The following RUNX1 variants were observed in gnomAD, a reference collection of about 807,000 sequenced individuals.
RUNX1 encodes RUNX family transcription factor 1, also known as runt-related transcription factor 1.
RUNX1 carries 19 observed loss-of-function variants against 42.8 expected under a neutral mutation model. That is an observed-to-expected ratio of 0.44 (90% CI 0.31 to 0.65). The LOEUF (loss-of-function observed/expected upper bound fraction) is 0.65, where lower values mean the gene tolerates loss of function less well. RUNX1 is among the 30% of genes least tolerant of loss of function. The probability of loss-of-function intolerance (pLI) is 0.07; values close to 1 mark genes in which losing one functional copy is unlikely to be tolerated. For missense variants in RUNX1, 528 were observed against 672.0 expected, an observed-to-expected ratio of 0.79 and a Z score of 2.37; for synonymous variants, 271 against 289.4, an observed-to-expected ratio of 0.94 and a Z score of 0.64.
chr21:34,796,236 C>A (rs2056526086), intron 8 of RUNX1, among the ~76,000 whole-genome samples: 1 of 152,256 alleles, frequency 6.6e-6, no homozygotes, highest in South Asian at 2.1e-4. Context: ...CTTCTATGTA[C>A]ACATGAGCAA....
chr21:34,821,681 G>A, intron 7 of RUNX1: 1 of 1,575,458 alleles, frequency 6.3e-7, no homozygotes, highest in Non-Finnish European at 8.6e-7. Context: ...ACATCTCCAG[G>A]GTGCTGTGTC....
At chr21:34,807,550 T>G (rs2145939150) in intron 7 of RUNX1, among the ~76,000 whole-genome samples, 1 of 152,342 alleles carries the variant, frequency 6.6e-6, no homozygotes, top group South Asian at 2.1e-4. Flanking sequence ...CAGCCCTGGT[T>G]ATTTCCCTGG....
intron 2 of RUNX1, among the ~76,000 whole-genome samples, chr21:34,997,490 C>T (rs934694276): frequency 4.6e-5 from 7 of 152,258 alleles, no homozygotes; most frequent in East Asian, 1.9e-4. Context: ...ACCAGATAGC[C>T]GGAGGAAAGG....
At chr21:34,948,635 A>G (rs1249563728) in intron 2 of RUNX1, among the ~76,000 whole-genome samples, 5 of 152,214 alleles carry the variant, frequency 3.3e-5, no homozygotes, top group Non-Finnish European at 1.5e-5. Context: ...TTTGGGAATG[A>G]CTGATTGACA....
At chr21:34,939,072 T>C (rs1444985141) in intron 2 of RUNX1, among the ~76,000 whole-genome samples, 1 of 152,232 alleles carries the variant, frequency 6.6e-6, no homozygotes, top group South Asian at 2.1e-4. Flanking sequence ...GACTAGTTCA[T>C]GAACATACTC....
intron 2 of RUNX1, among the ~76,000 whole-genome samples, chr21:35,044,543 T>C (rs7280028): frequency 0.25 from 38,527 of 152,048 alleles, 6,146 homozygotes; most frequent in African/African-American, 0.45. Flanking sequence ...AAGAGAGAAG[T>C]TCTATATGCT....
intron 2 of RUNX1, among the ~76,000 whole-genome samples, chr21:34,981,774 T>C (rs982470686): frequency 6.6e-6 from 1 of 152,184 alleles, no homozygotes; most frequent in Admixed American, 6.5e-5. Context: ...TTTTTTTTTG[T>C]CTCTTTTCAC....
intron 7 of RUNX1, among the ~76,000 whole-genome samples, chr21:34,807,000 T>C (rs2145936945): frequency 6.6e-6 from 1 of 152,050 alleles, no homozygotes; most frequent in East Asian, 1.9e-4. Flanking sequence ...TGAATACATA[T>C]ATTAGAAAAG....
At chr21:34,993,497 CTACACACA>C (rs2058962266) in intron 2 of RUNX1, among the ~76,000 whole-genome samples, 1 of 119,128 alleles carries the variant, frequency 8.4e-6, no homozygotes, top group Admixed American at 8.6e-5. Flanking sequence ...TTGTTTGTCC[CTACACACA>C]CACACACACA....
chr21:35,014,801 T>C (rs567377634), intron 2 of RUNX1, among the ~76,000 whole-genome samples: 46 of 152,384 alleles, frequency 3.0e-4, no homozygotes, highest in African/African-American at 1.0e-3. Flanking sequence ...TTGTGTGCCA[T>C]GGAGCCCTCA....
At chr21:34,914,886 TGTCC>T (rs2058300075) in intron 2 of RUNX1, among the ~76,000 whole-genome samples, 1 of 152,234 alleles carries the variant, frequency 6.6e-6, no homozygotes, top group East Asian at 1.9e-4. Flanking sequence ...ATTCATTGCA[TGTCC>T]TTCAATCTGA....
chr21:34,908,605 T>C (rs1294311657), intron 2 of RUNX1, among the ~76,000 whole-genome samples: 1 of 152,162 alleles, frequency 6.6e-6, no homozygotes, highest in African/African-American at 2.4e-5. Flanking sequence ...CAATCTCCAT[T>C]CTTGTGAAGG....
At chr21:34,937,707 A>G (rs2058496844) in intron 2 of RUNX1, among the ~76,000 whole-genome samples, 1 of 151,574 alleles carries the variant, frequency 6.6e-6, no homozygotes, top group Non-Finnish European at 1.5e-5. Flanking sequence ...ATGAAAAAAA[A>G]AAAAACCAGA....
chr21:34,872,493 T>TA (rs553269413), intron 5 of RUNX1, among the ~76,000 whole-genome samples: 1 of 152,188 alleles, frequency 6.6e-6, no homozygotes, highest in South Asian at 2.1e-4. Flanking sequence ...GTTTTCCCTT[T>TA]AAAAAAAACT....
At chr21:35,035,379 A>T (rs1363256883) in intron 2 of RUNX1, among the ~76,000 whole-genome samples, 3 of 152,148 alleles carry the variant, frequency 2.0e-5, no homozygotes. Flanking sequence ...TCTCCTCCCC[A>T]CACCCTGTCA....
chr21:35,047,545 ACACACACACACACACACTCTCTCT>A (rs2059406252), intron 2 of RUNX1, among the ~76,000 whole-genome samples: 1 of 129,474 alleles, frequency 7.7e-6, no homozygotes, highest in African/African-American at 2.9e-5. Context: ...ACACACACAC[ACACACACACACACACACTCTCTCT>A]CTCTCTCTCT....
At chr21:34,943,902 A>G (rs1010748250) in intron 2 of RUNX1, among the ~76,000 whole-genome samples, 2 of 152,198 alleles carry the variant, frequency 1.3e-5, no homozygotes, top group Non-Finnish European at 2.9e-5. Context: ...GCATTTGCTT[A>G]TATCACACCC....
intron 6 of RUNX1, among the ~76,000 whole-genome samples, chr21:34,835,688 C>A (rs956862159): frequency 6.6e-6 from 1 of 152,202 alleles, no homozygotes; most frequent in Non-Finnish European, 1.5e-5. Flanking sequence ...GCTTCCTCAG[C>A]CTTATGGTTC....
At chr21:34,984,576 G>C (rs574753318) in intron 2 of RUNX1, among the ~76,000 whole-genome samples, 1 of 152,306 alleles carries the variant, frequency 6.6e-6, no homozygotes, top group East Asian at 1.9e-4. Flanking sequence ...AAAGAAGTTG[G>C]TGGCTTGCAG....
Sources: gnomAD v4.1 joint callset for allele counts (sites outside exome capture counted in the v4.1 genomes callset) on GRCh38, gnomAD v4.1.1 for gene constraint, MANE v1.5 for transcripts, NCBI Gene and HGNC (gene_info 2026-07-23, HGNC 2026-07-21) for gene names.